SGCD: variants seen among roughly 807,000 people sequenced by gnomAD.
The protein encoded by SGCD is sarcoglycan delta.
A neutral mutation model predicts 36.6 loss-of-function variants in SGCD; 18 were observed. The observed-to-expected ratio is 0.49, with a 90% CI of 0.34 to 0.73. SGCD has a LOEUF of 0.73. SGCD is among the 30% of genes least tolerant of loss of function. SGCD has a pLI of 0.01. For synonymous variants in SGCD, 133 were observed against 130.6 expected (o/e 1.02, Z -0.12); for missense variants, 387 against 346.7 (o/e 1.12, Z -0.92).
At position 156,036,287 on chromosome 5, in the gene SGCD, A is replaced by T. The variant is rs551574235; in HGVS notation, c.-281-81591A>T. Among the ~76,000 whole-genome samples, 6 of 152,188 alleles carry T rather than the reference A, an allele frequency of 3.9e-5. No homozygotes were observed. The South Asian group carries it at 1.2e-3, about 32-fold the overall frequency. On this transcript the variant is annotated intron_variant, in intron 1 of 9. Coordinates refer to the SGCD transcript ENST00000517913. ...CAGGTGGCTAACACTTAAGATCCAA[A>T]CTCCTCAGTGGCTTACAAGCAGAGT...
intron 7 of SGCD, among the ~76,000 whole-genome samples, chr5:156,729,681 A>G (rs1399333049): frequency 6.6e-6 from 1 of 152,228 alleles, no homozygotes; most frequent in African/African-American, 2.4e-5. Flanking sequence ...TTATAAAATC[A>G]AGGTTAGTAT....
intron 1 of SGCD, among the ~76,000 whole-genome samples, chr5:155,877,554 A>C (rs1257210921): frequency 1.3e-5 from 2 of 152,140 alleles, no homozygotes; most frequent in African/African-American, 2.4e-5. Flanking sequence ...AGTTCAGAGT[A>C]AGCACTCAAC....
chr5:156,189,125 G>A (rs183208261), intron 3 of SGCD, among the ~76,000 whole-genome samples: 30 of 152,316 alleles, frequency 2.0e-4, no homozygotes, highest in Admixed American at 1.8e-3. Context: ...AGGAAGAAGA[G>A]GGTTATAATT....
intron 7 of SGCD, among the ~76,000 whole-genome samples, chr5:156,754,667 G>A: frequency 6.6e-6 from 1 of 152,166 alleles, no homozygotes; most frequent in East Asian, 1.9e-4. Context: ...CATTTTACTA[G>A]GAGTATAACC....
At chr5:156,505,004 C>T (rs780049351) in intron 3 of SGCD, among the ~76,000 whole-genome samples, 7 of 152,176 alleles carry the variant, frequency 4.6e-5, no homozygotes, top group Admixed American at 2.0e-4. Flanking sequence ...AGCATGCAGA[C>T]AGATGAAGCA....
At chr5:156,503,280 G>C (rs1286470575) in intron 3 of SGCD, among the ~76,000 whole-genome samples, 1 of 152,108 alleles carries the variant, frequency 6.6e-6, no homozygotes, top group East Asian at 1.9e-4. Flanking sequence ...ATGGCACACA[G>C]CACATGATTA....
At chr5:156,127,129 T>G (rs1224070680) in intron 3 of SGCD, among the ~76,000 whole-genome samples, 1 of 152,208 alleles carries the variant, frequency 6.6e-6, no homozygotes, top group African/African-American at 2.4e-5. Flanking sequence ...TATTTGTATG[T>G]GTATATAGTG....
At chr5:156,423,370 A>G (rs1458266071) in intron 3 of SGCD, among the ~76,000 whole-genome samples, 1 of 82,820 alleles carries the variant, frequency 1.2e-5, no homozygotes, top group African/African-American at 5.5e-5. Context: ...AATATATTAT[A>G]TTTTATTATA....
chr5:156,420,254 C>T (rs2127777051), intron 3 of SGCD, among the ~76,000 whole-genome samples: 1 of 152,210 alleles, frequency 6.6e-6, no homozygotes, highest in South Asian at 2.1e-4. Flanking sequence ...TGAATGGAGT[C>T]AGATTAAAAA....
At chr5:156,375,172 G>C (rs958413466) in intron 3 of SGCD, among the ~76,000 whole-genome samples, 1 of 151,734 alleles carries the variant, frequency 6.6e-6, no homozygotes, top group Non-Finnish European at 1.5e-5. Context: ...CTCTCCTTCC[G>C]ATTTTTTCCG....
At chr5:156,698,225 T>A (rs1375271730) in intron 7 of SGCD, among the ~76,000 whole-genome samples, 1 of 152,218 alleles carries the variant, frequency 6.6e-6, no homozygotes, top group Non-Finnish European at 1.5e-5. Context: ...TGACCCACAC[T>A]TTCTAGGCAT....
chr5:155,895,179 G>A (rs1437051359), intron 1 of SGCD, among the ~76,000 whole-genome samples: 2 of 152,148 alleles, frequency 1.3e-5, no homozygotes, highest in Non-Finnish European at 2.9e-5. Context: ...TACAAAACAA[G>A]GTGCAAGAAC....
At chr5:156,619,045 A>G in intron 6 of SGCD, among the ~76,000 whole-genome samples, 1 of 146,722 alleles carries the variant, frequency 6.8e-6, no homozygotes, top group African/African-American at 2.6e-5. Flanking sequence ...TTTTCTTCTG[A>G]GACAGCGTAT....
the SGCD span, among the ~76,000 whole-genome samples, chr5:155,732,663 C>G: frequency 1.3e-5 from 2 of 152,186 alleles, no homozygotes; most frequent in African/African-American, 2.4e-5. Context: ...ACATCTTAGT[C>G]AAAACACAAG....
chr5:155,766,776 A>T, the SGCD span, among the ~76,000 whole-genome samples: 1 of 152,194 alleles, frequency 6.6e-6, no homozygotes, highest in African/African-American at 2.4e-5. Flanking sequence ...ACCATTTTAC[A>T]GATGAGCAAA....
chr5:156,365,693 C>A (rs1301684550), intron 3 of SGCD, among the ~76,000 whole-genome samples: 1 of 151,780 alleles, frequency 6.6e-6, no homozygotes, highest in Non-Finnish European at 1.5e-5. Flanking sequence ...TAAATATGGG[C>A]ATATATGTGT....
intron 1 of SGCD, among the ~76,000 whole-genome samples, chr5:156,101,902 C>CTGTGTGTGTGTGTGTGTG (rs36187985): frequency 6.5e-5 from 7 of 108,088 alleles, no homozygotes; most frequent in East Asian, 2.5e-4. Flanking sequence ...GTGTCTCCAG[C>CTGTGTGTGTGTGTGTGTG]TGTGTGTGTG....
At chr5:155,779,450 A>G in the SGCD span, among the ~76,000 whole-genome samples, 5 of 152,162 alleles carry the variant, frequency 3.3e-5, no homozygotes, top group African/African-American at 4.8e-5. Context: ...AAAAACAAAA[A>G]AAATGATTTT....
At chr5:156,130,069 G>A (rs1762277394) in intron 3 of SGCD, among the ~76,000 whole-genome samples, 1 of 152,140 alleles carries the variant, frequency 6.6e-6, no homozygotes, top group Admixed American at 6.5e-5. Flanking sequence ...TCACCATACT[G>A]CTTTTCACAG....
Sources: gnomAD v4.1 joint callset for allele counts (sites outside exome capture counted in the v4.1 genomes callset) on GRCh38, gnomAD v4.1.1 for gene constraint, MANE v1.5 for transcripts, NCBI Gene and HGNC (gene_info 2026-07-23, HGNC 2026-07-21) for gene names.